AGAP1: variants seen among roughly 807,000 people sequenced by gnomAD.
AGAP1 encodes arf-GAP with GTPase, ANK repeat and PH domain-containing protein 1.
In AGAP1, 29 loss-of-function variants were observed where a neutral mutation model predicts 105.3. The observed-to-expected ratio is 0.28, with a 90% CI of 0.21 to 0.38. The LOEUF (loss-of-function observed/expected upper bound fraction) is 0.38, where lower values mean the gene tolerates loss of function less well. Among genes scored for constraint, AGAP1 ranks in the 10% least tolerant of loss-of-function variants. The pLI is 1.00. For synonymous variants in AGAP1, 509 were observed against 485.9 expected (o/e 1.05, Z -0.63); for missense variants, 998 against 1,165.1 (o/e 0.86, Z 2.09).
At chr2:235,968,009 G>T (rs781172157) in intron 12 of AGAP1, among the ~76,000 whole-genome samples, 1 of 152,184 alleles carries the variant, frequency 6.6e-6, no homozygotes, top group Non-Finnish European at 1.5e-5. Flanking sequence ...CGGAAGAAAG[G>T]ATCAGGAATC....
intron 1 of AGAP1, among the ~76,000 whole-genome samples, chr2:235,653,851 G>A (rs1037773431): frequency 5.3e-5 from 8 of 152,200 alleles, no homozygotes; most frequent in African/African-American, 1.7e-4. Context: ...GAGGTCGGGA[G>A]TTCAAGACCA....
At chr2:235,547,656 A>G (rs1357934440) in intron 1 of AGAP1, among the ~76,000 whole-genome samples, 7 of 152,072 alleles carry the variant, frequency 4.6e-5, no homozygotes, top group Admixed American at 2.6e-4. Flanking sequence ...ACCACGCTCA[A>G]CTAATTTTTG....
rs1008899453 is a variant in AGAP1 at position 235,964,081 on chromosome 2, T to C, written c.1484-4381T>C. 1.3e-5 allele frequency among the ~76,000 whole-genome samples: 2 copies of C among 152,088 alleles called. No homozygotes were observed. The highest frequency in any genetic ancestry group is 4.8e-5 in the African/African-American group (2 of 41,412). Reference sequence around the variant, plus strand: ...CTGGGCACAGGCATGCTAGTTAGATTGAGATAAGCGACTGGCAGCCTCGTG... The same window carrying C: ...CTGGGCACAGGCATGCTAGTTAGATCGAGATAAGCGACTGGCAGCCTCGTG... On this transcript the variant is annotated intron_variant, in intron 12 of 17. Coordinates refer to ENST00000304032, the MANE Select transcript of AGAP1 (RefSeq NM_001037131.3). The surrounding 1 kb of genome is among the most constrained non-coding windows in gnomAD (Gnocchi z 4.6).
In AGAP1 at chr2:235,566,701, C is replaced by A; in HGVS notation, c.163+71852C>A. On this transcript the variant is annotated intron_variant, in intron 1 of 17. Coordinates refer to ENST00000304032, the MANE Select transcript of AGAP1 (RefSeq NM_001037131.3). The surrounding 1 kb of genome is among the most constrained non-coding windows in gnomAD (Gnocchi z 5.2). Reference sequence around the variant, plus strand: ...GAGGCTGTTCGAGGAACACAGGATGCATATTCAGGCAGGAAGTTGTTGGGG... The same window carrying A: ...GAGGCTGTTCGAGGAACACAGGATGAATATTCAGGCAGGAAGTTGTTGGGG... 1 of 717,334 alleles carries A rather than the reference C, an allele frequency of 1.4e-6. No homozygotes were observed. Among genetic ancestry groups the A allele is most frequent in the Non-Finnish European group, 1.7e-6 (1 of 585,300 alleles). The allele number at this position is 717,334 out of a possible 1,614,324, so 44.4% of individuals were successfully genotyped here. A position where few individuals can be genotyped will look rare whatever the true frequency, so the allele number is the denominator to read the frequency against.
chr2:235,700,948 ATATATAT>A lies in AGAP1; in HGVS notation c.164-8227_164-8221del, dbSNP rs1431934610. Among the ~76,000 whole-genome samples the A allele has an allele frequency of 1.4e-5, 2 of 145,666 alleles. No homozygotes were observed. Among genetic ancestry groups the A allele is most frequent in the Non-Finnish European group, 3.0e-5 (2 of 67,024 alleles). On this transcript the variant is annotated intron_variant, in intron 1 of 17. Coordinates refer to ENST00000304032, the MANE Select transcript of AGAP1 (RefSeq NM_001037131.3). This position sits in a 1 kb window ranked among gnomAD's most constrained non-coding sequence, Gnocchi z 6.1. The stretch of plus-strand genomic sequence containing the variant: ...TTACACATGCTAGCATATTTGTAAT[ATATATAT>A]TATGTATTATGTATATATTATATAT...
At chr2:235,704,962 CTTTTTTCTTTTTTTTTTTT>C (rs1260985014) in intron 1 of AGAP1, among the ~76,000 whole-genome samples, 3 of 86,010 alleles carry the variant, frequency 3.5e-5, no homozygotes, top group African/African-American at 1.3e-4. Context: ...ATACAAGATG[CTTTTTTCTTTTTTTTTTTT>C]TTTTTTTTTT....
chr2:235,908,945 C>T lies in AGAP1; in HGVS notation c.1324+39C>T. On this transcript the variant is annotated intron_variant, in intron 11 of 17. Transcript: ENST00000304032. This position sits in a 1 kb window ranked among gnomAD's most constrained non-coding sequence, Gnocchi z 4.4. The stretch of plus-strand genomic sequence containing the variant: ...AAATGCACTAACAAATCAAGTTCAA[C>T]AGCAACAGGTGGTCCAGGCTCGAGG... The T allele has an allele frequency of 6.3e-7, 1 of 1,584,752 alleles. No homozygotes were observed. The highest frequency in any genetic ancestry group is 1.1e-5 in the South Asian group (1 of 88,966).
chr2:236,049,076 T>C lies in AGAP1; in HGVS notation c.1909T>C (p.Leu637=), dbSNP rs574999584. The C allele has an allele frequency of 1.3e-5, 21 of 1,614,082 alleles. No individual in the cohort carries two copies. The South Asian group carries it at 1.8e-4, about 14-fold the overall frequency. The change falls in exon 16 of 18, where the codon TTG becomes CTG. Residue 637 remains leucine (L), a synonymous_variant. Transcript: ENST00000304032. ...CETQNPNWAS[L]NLGALMCIEC... ...TCCCGTAGATCCCAACTGGGCCAGT[T>C]TGAACTTGGGAGCCCTCATGTGCAT...
In AGAP1 at chr2:235,714,700, C is replaced by T. The variant is rs115884196; in HGVS notation, c.223-2857C>T. Among the ~76,000 whole-genome samples, 1,348 of 152,258 alleles carry T rather than the reference C, an allele frequency of 8.9e-3. 14 individuals carry two copies. Among genetic ancestry groups the T allele is most frequent in the African/African-American group, 0.029 (1,220 of 41,550 alleles). On this transcript the variant is annotated intron_variant, in intron 2 of 17. Transcript: ENST00000304032. The surrounding 1 kb of genome is among the most constrained non-coding windows in gnomAD (Gnocchi z 4.1). ...TTGGATCCATGAGCCATCACTCAGACAGCAGACCACGGTGGCCTGTAAATC... is the reference window on the plus strand; with the variant it reads ...TTGGATCCATGAGCCATCACTCAGATAGCAGACCACGGTGGCCTGTAAATC...
intron 12 of AGAP1, among the ~76,000 whole-genome samples, chr2:235,948,170 T>G (rs958100248): frequency 3.6e-5 from 5 of 138,958 alleles, no homozygotes; most frequent in African/African-American, 1.1e-4. Flanking sequence ...TTTTCTGGGG[T>G]TTTTTTTGTT....
In AGAP1 at chr2:236,119,686, G is replaced by A. The variant is rs1381453488; in HGVS notation, c.2115-506G>A. Among the ~76,000 whole-genome samples, 1 of 151,298 alleles carries A rather than the reference G, an allele frequency of 6.6e-6. No individual in the cohort carries two copies. Among genetic ancestry groups the A allele is most frequent in the Non-Finnish European group, 1.5e-5 (1 of 67,930 alleles). ...AGACCATGCTTCCATCGTGCGGTCC[G>A]TGCTCTCGGCCCCGGAGACCGTGCT... is the stretch of plus-strand genomic sequence containing the variant. On this transcript the variant is annotated intron_variant, in intron 16 of 17. Coordinates refer to ENST00000304032, the MANE Select transcript of AGAP1 (RefSeq NM_001037131.3). This position sits in a 1 kb window ranked among gnomAD's most constrained non-coding sequence, Gnocchi z 6.6.
At chr2:235,860,309 G>A (rs901769528) in intron 9 of AGAP1, among the ~76,000 whole-genome samples, 7 of 152,230 alleles carry the variant, frequency 4.6e-5, no homozygotes, top group South Asian at 4.1e-4. Context: ...ACGTAAGTGC[G>A]TTCGGTATTT....
chr2:236,127,643 C>T lies in AGAP1; in HGVS notation c.*3521C>T, dbSNP rs866963075. On this transcript the variant is annotated 3_prime_UTR_variant, in exon 18 of 18. Coordinates refer to ENST00000304032, the MANE Select transcript of AGAP1 (RefSeq NM_001037131.3). This position sits in a 1 kb window ranked among gnomAD's most constrained non-coding sequence, Gnocchi z 6.6. Reference sequence around the variant, plus strand: ...GATGAGGCCTGCATGGTTCCGGCCTCGTCATCCAGTGTAGATACCAGTCTT... The same window carrying T: ...GATGAGGCCTGCATGGTTCCGGCCTTGTCATCCAGTGTAGATACCAGTCTT... The T allele has an allele frequency of 2.0e-5, 3 of 152,208 alleles. No individual in the cohort carries two copies. Among genetic ancestry groups the T allele is most frequent in the African/African-American group, 7.2e-5 (3 of 41,444 alleles). The allele number at this position is 152,208 out of a possible 1,614,324, so 9.4% of individuals were successfully genotyped here. A position where few individuals can be genotyped will look rare whatever the true frequency, so the allele number is the denominator to read the frequency against.
chr2:235,504,025 G>T (rs868854479), intron 1 of AGAP1, among the ~76,000 whole-genome samples: 8 of 152,266 alleles, frequency 5.3e-5, no homozygotes, highest in Middle Eastern at 3.4e-3. Context: ...GGGACCACAG[G>T]CACGCACCAC....
intron 11 of AGAP1, among the ~76,000 whole-genome samples, chr2:235,910,669 G>A (rs1015988082): frequency 2.0e-5 from 3 of 152,168 alleles, no homozygotes; most frequent in Non-Finnish European, 4.4e-5. Context: ...TGTAACCCCA[G>A]CACTTTGGGA....
intron 6 of AGAP1, among the ~76,000 whole-genome samples, chr2:235,775,069 G>A (rs1157740408): frequency 6.6e-6 from 1 of 152,152 alleles, no homozygotes; most frequent in Non-Finnish European, 1.5e-5. Flanking sequence ...AAAGCAAAAG[G>A]ACTGGGTGAA....
At position 235,705,935 on chromosome 2, in the gene AGAP1, C is replaced by A. The variant is rs1950511362; in HGVS notation, c.164-3244C>A. ...CTTATGGTGGTATGTGTTGAAAAATCAGCAGTGCATTGATGAATAGAGCTC... is the reference window on the plus strand; with the variant it reads ...CTTATGGTGGTATGTGTTGAAAAATAAGCAGTGCATTGATGAATAGAGCTC... On this transcript the variant is annotated intron_variant, in intron 1 of 17. Transcript: ENST00000304032. This position sits in a 1 kb window ranked among gnomAD's most constrained non-coding sequence, Gnocchi z 4.9. Among the ~76,000 whole-genome samples the A allele has an allele frequency of 6.6e-6, 1 of 152,190 alleles. No homozygotes were observed. The highest frequency in any genetic ancestry group is 2.1e-4 in the South Asian group (1 of 4,834).
chr2:236,113,965 G>A lies in AGAP1; in HGVS notation c.2115-6227G>A, dbSNP rs904881901. 3.9e-5 allele frequency among the ~76,000 whole-genome samples: 6 copies of A among 152,102 alleles called. No homozygotes were observed. Among genetic ancestry groups the A allele is most frequent in the Non-Finnish European group, 8.8e-5 (6 of 68,032 alleles). ...ACCTTTTCTTTTTATTTTGGGGATT[G>A]GGTCAGTGCCTTTCTTCTGATGAGT... On this transcript the variant is annotated intron_variant, in intron 16 of 17. Transcript: ENST00000304032. The surrounding 1 kb of genome is among the most constrained non-coding windows in gnomAD (Gnocchi z 4.3).
At chr2:235,676,188 C>T (rs1948726857) in intron 1 of AGAP1, among the ~76,000 whole-genome samples, 1 of 152,190 alleles carries the variant, frequency 6.6e-6, no homozygotes, top group Admixed American at 6.5e-5. Flanking sequence ...TGAATCACAG[C>T]CTCATGGGGT....
Sources: allele counts gnomAD v4.1 joint callset (sites outside exome capture counted in the v4.1 genomes callset), GRCh38; gene constraint gnomAD v4.1.1; non-coding constraint Gnocchi (gnomAD v3.1); transcripts MANE v1.5; gene names NCBI Gene and HGNC (gene_info 2026-07-23, HGNC 2026-07-21).